The following ACSL3 variants were observed in gnomAD, a reference collection of about 807,000 sequenced individuals.
ACSL3 encodes the protein fatty acid CoA ligase Acsl3.
A neutral mutation model predicts 84.7 loss-of-function variants in ACSL3; 34 were observed. The observed-to-expected ratio is 0.40, with a 90% CI of 0.31 to 0.53. The LOEUF (loss-of-function observed/expected upper bound fraction) is 0.53, where lower values mean the gene tolerates loss of function less well. Ranked by LOEUF, ACSL3 falls within the 20% of genes least tolerant of loss-of-function variation. The pLI is 0.48. For synonymous variants in ACSL3, 315 were observed against 299.4 expected (o/e 1.05, Z -0.54); for missense variants, 680 against 873.1 (o/e 0.78, Z 2.79).
In ACSL3 at chr2:222,911,106, A is replaced by G. The variant is rs1046787702; in HGVS notation, c.378+1956A>G. 7.3e-5 allele frequency among the ~76,000 whole-genome samples: 11 copies of G among 150,712 alleles called. No individual in the cohort carries two copies. The East Asian group carries it at 1.6e-3, about 21-fold the overall frequency. The stretch of plus-strand genomic sequence containing the variant: ...CTCTTGTTGCCCAGGCTGGAGTGCA[A>G]TGGTGCCGTCTCAGCTCACCGCAAC... On this transcript the variant is annotated intron_variant, in intron 4 of 16. Coordinates refer to ENST00000357430, the MANE Select transcript of ACSL3 (RefSeq NM_004457.5).
At chr2:222,862,185 T>G (rs7561624) in intron 1 of ACSL3, among the ~76,000 whole-genome samples, 15 of 152,170 alleles carry the variant, frequency 9.9e-5, no homozygotes, top group Admixed American at 5.2e-4. Flanking sequence ...ACGCACTGTT[T>G]GGAGAGCTTT....
intron 3 of ACSL3, among the ~76,000 whole-genome samples, chr2:222,904,340 G>A (rs1334052588): frequency 2.0e-5 from 3 of 152,072 alleles, no homozygotes; most frequent in Admixed American, 2.0e-4. Context: ...AAGTTTATAT[G>A]GTCTTAGTCT....
At chr2:222,880,808 T>C (rs904905493) in intron 1 of ACSL3, among the ~76,000 whole-genome samples, 19 of 145,778 alleles carry the variant, frequency 1.3e-4, no homozygotes, top group South Asian at 2.1e-4. Context: ...CCAGCCTGGG[T>C]GACAGAGCGA....
intron 11 of ACSL3, among the ~76,000 whole-genome samples, chr2:222,925,970 T>C (rs1229167528): frequency 6.6e-6 from 1 of 152,210 alleles, no homozygotes; most frequent in Non-Finnish European, 1.5e-5. Flanking sequence ...TTTCAGATGC[T>C]TCACATAATT....
At chr2:222,880,705 C>T (rs1159101636) in intron 1 of ACSL3, among the ~76,000 whole-genome samples, 1 of 151,684 alleles carries the variant, frequency 6.6e-6, no homozygotes, top group Admixed American at 6.6e-5. Context: ...TGGTGGGTGC[C>T]TGGAGTCCCA....
At chr2:222,866,007 C>G (rs898512194) in intron 1 of ACSL3, among the ~76,000 whole-genome samples, 1 of 152,206 alleles carries the variant, frequency 6.6e-6, no homozygotes, top group African/African-American at 2.4e-5. Flanking sequence ...AGTAACTGAA[C>G]TTAATTATAT....
chr2:222,940,682 C>T (rs1363707103), intron 16 of ACSL3, among the ~76,000 whole-genome samples: 3 of 152,120 alleles, frequency 2.0e-5, no homozygotes, highest in Admixed American at 1.3e-4. Flanking sequence ...AGTACAATAA[C>T]GTGCTGTGCG....
intron 1 of ACSL3, among the ~76,000 whole-genome samples, chr2:222,876,758 A>C (rs1695461186): frequency 6.6e-6 from 1 of 152,200 alleles, no homozygotes. Flanking sequence ...GCAGAGAAAA[A>C]AAAAAAGTCC....
chr2:222,927,532 GTGCTTT>G (rs775600765), intron 12 of ACSL3, among the ~76,000 whole-genome samples: 6 of 152,130 alleles, frequency 3.9e-5, no homozygotes, highest in Non-Finnish European at 8.8e-5. Flanking sequence ...AAAACTTAAG[GTGCTTT>G]TGTTTATTTG....
At chr2:222,919,228 AC>A in intron 7 of ACSL3, 26 bp downstream of exon 7, 1 of 1,609,694 alleles carries the variant, frequency 6.2e-7, no homozygotes. Flanking sequence ...CTAATTCCTT[AC>A]CTGTGCTTTC....
At chr2:222,939,690 TC>T (rs1697256369) in intron 16 of ACSL3, among the ~76,000 whole-genome samples, 1 of 152,212 alleles carries the variant, frequency 6.6e-6, no homozygotes, top group Non-Finnish European at 1.5e-5. Context: ...CTTGCATTTT[TC>T]TACCAGCCTT....
At chr2:222,928,536 C>T (rs542781973) in intron 12 of ACSL3, among the ~76,000 whole-genome samples, 161 of 152,178 alleles carry the variant, frequency 1.1e-3, no homozygotes, top group Non-Finnish European at 2.0e-3. Flanking sequence ...GCAGGCATGC[C>T]CTCTCTAACA....
chr2:222,902,059 A>AAAT (rs1225172487), intron 3 of ACSL3, among the ~76,000 whole-genome samples: 12 of 151,498 alleles, frequency 7.9e-5, no homozygotes, highest in Admixed American at 4.6e-4. Flanking sequence ...GTTACTTGTT[A>AAAT]AATACATGCG....
chr2:222,901,964 A>AAAAAAAAAAAAAG lies in ACSL3; in HGVS notation c.-41+1184_-41+1185insAAAAAAAAAAAAG, dbSNP rs57522671. Among the ~76,000 whole-genome samples the AAAAAAAAAAAAAG allele has an allele frequency of 2.4e-3, 234 of 99,402 alleles. 33 individuals are homozygous for AAAAAAAAAAAAAG. Among genetic ancestry groups the AAAAAAAAAAAAAG allele is most frequent in the South Asian group, 5.8e-3 (15 of 2,568 alleles). The allele number at this position is 99,402 out of a possible 152,430, so 65.2% of individuals were successfully genotyped here. On this transcript the variant is annotated intron_variant, in intron 3 of 16. Transcript: ENST00000357430. ...GTCTCAAAAAAAAAAAAAAAAAAAAAGAACTCAAATATTGTTGAGGTAGCA... is the reference window on the plus strand; with the variant it reads ...GTCTCAAAAAAAAAAAAAAAAAAAAAAAAAAAAAAAAAGGAACTCAAATATTGTTGAGGTAGCA...
chr2:222,922,366 A>G (rs1309838719), intron 8 of ACSL3, among the ~76,000 whole-genome samples: 2 of 152,080 alleles, frequency 1.3e-5, no homozygotes, highest in Non-Finnish European at 2.9e-5. Context: ...CTGTATTATT[A>G]TTTGTTTAAG....
intron 1 of ACSL3, among the ~76,000 whole-genome samples, chr2:222,862,944 C>T (rs531100710): frequency 6.6e-6 from 1 of 152,180 alleles, no homozygotes; most frequent in African/African-American, 2.4e-5. Flanking sequence ...GAAAATCATC[C>T]TCTGTCTGGT....
chr2:222,868,722 G>A (rs1422424086), intron 1 of ACSL3, among the ~76,000 whole-genome samples: 3 of 152,094 alleles, frequency 2.0e-5, no homozygotes, highest in Non-Finnish European at 2.9e-5. Flanking sequence ...CGAGGAGGGC[G>A]GATCACCTGA....
intron 4 of ACSL3, chr2:222,909,582 T>G (rs1485065614): frequency 1.3e-5 from 2 of 156,362 alleles, no homozygotes; most frequent in Non-Finnish European, 2.8e-5. Flanking sequence ...AACATTTCTT[T>G]TCAGAAATAT....
rs187569178 is a variant in ACSL3 at position 222,943,350 on chromosome 2, A to G, written c.*1696A>G. The G allele has an allele frequency of 5.9e-5, 11 of 187,218 alleles. No homozygotes were observed. In the East Asian group the frequency reaches 9.5e-4, roughly 16 times the overall value. 11.6% of individuals were successfully genotyped at this position (187,218 alleles called of 1,614,324 possible). On this transcript the variant is annotated 3_prime_UTR_variant, in exon 17 of 17. Coordinates refer to ENST00000357430, the MANE Select transcript of ACSL3 (RefSeq NM_004457.5). ...AGAAGAAGTAAAAATATTGAATGGAACTTCTATATGAGGATGCTGTGATCT... is the reference window on the plus strand; with the variant it reads ...AGAAGAAGTAAAAATATTGAATGGAGCTTCTATATGAGGATGCTGTGATCT...
Sources: allele counts gnomAD v4.1 joint callset (sites outside exome capture counted in the v4.1 genomes callset), GRCh38; gene constraint gnomAD v4.1.1; transcripts MANE v1.5; gene names NCBI Gene and HGNC (gene_info 2026-07-23, HGNC 2026-07-21).